Variants in TSHZ2 observed in about 807,000 individuals in gnomAD.
The protein encoded by TSHZ2 is teashirt homolog 2.
Under a neutral mutation model 74.4 loss-of-function variants are expected in TSHZ2, and 21 were observed. The observed-to-expected ratio is 0.28, with a 90% confidence interval of 0.20 to 0.41. TSHZ2 has a LOEUF of 0.41. TSHZ2 is among the 10% of genes least tolerant of loss of function. The probability of loss-of-function intolerance (pLI) is 1.00; values close to 1 mark genes in which losing one functional copy is unlikely to be tolerated. For synonymous variants in TSHZ2, 540 were observed against 515.3 expected, an observed-to-expected ratio of 1.05 and a Z score of -0.65; for missense variants, 1,244 against 1,293.5, an observed-to-expected ratio of 0.96 and a Z score of 0.59.
intron 2 of TSHZ2, among the ~76,000 whole-genome samples, chr20:53,268,297 G>A (rs1013163129): frequency 3.3e-5 from 5 of 152,084 alleles, no homozygotes; most frequent in African/African-American, 1.2e-4. Context: ...TTCGTGTCAC[G>A]TCAACAAAGA....
In TSHZ2 at chr20:53,096,438, C is replaced by T. The variant is rs372556736; in HGVS notation, c.40+123105C>T. Among the ~76,000 whole-genome samples the T allele has an allele frequency of 2.6e-5, 4 of 152,228 alleles. No individual in the cohort carries two copies. The South Asian group carries it at 6.2e-4, about 24-fold the overall frequency. ...GATTACAGGCGCGAGCCACCATGCC[C>T]GGCCTGTATTGTTTTTTAGTACAGG... On this transcript the variant is annotated intron_variant, in intron 1 of 2. Transcript: ENST00000371497.
Position 53,256,097 on chromosome 20 carries a change from A to G in TSHZ2, c.2639A>G (p.Gln880Arg), listed in dbSNP as rs1990474230. The G allele has an allele frequency of 6.2e-7, 1 of 1,614,136 alleles. No homozygotes were observed. The highest frequency in any genetic ancestry group is 2.2e-5 in the East Asian group (1 of 44,880). ...GKYLLSDLGP[Q>R]ERMQISKFTG... Reference sequence around the variant, plus strand: ...TACCTGCTGTCTGATCTGGGCCCACAAGAGCGTATGCAAATCTCTAAGTTT... The same window carrying G: ...TACCTGCTGTCTGATCTGGGCCCACGAGAGCGTATGCAAATCTCTAAGTTT... Residue 880 changes from glutamine (Q) to arginine (R), a missense_variant, in exon 2 of 3, where the codon CAA becomes CGA. Coordinates refer to ENST00000371497, the MANE Select transcript of TSHZ2 (RefSeq NM_173485.6). The surrounding 1 kb of genome is among the most constrained non-coding windows in gnomAD (Gnocchi z 4.3).
In TSHZ2 at chr20:53,091,895, A is replaced by C. The variant is rs184266584; in HGVS notation, c.40+118562A>C. Among the ~76,000 whole-genome samples, 448 of 152,172 alleles carry C rather than the reference A, an allele frequency of 2.9e-3. 3 individuals carry two copies. Among genetic ancestry groups the C allele is most frequent in the Middle Eastern group, 6.8e-3 (2 of 294 alleles). On this transcript the variant is annotated intron_variant, in intron 1 of 2. Transcript: ENST00000371497. ...CCTGTCTCTACTAAAAATAAAAATA[A>C]ATTAGCTAGACATGGTGGTACCCGC...
intron 2 of TSHZ2, among the ~76,000 whole-genome samples, chr20:53,420,405 T>G (rs1983425797): frequency 6.6e-6 from 1 of 152,046 alleles, no homozygotes. Flanking sequence ...CAAATTTCAT[T>G]CCTGGAACAC....
chr20:53,380,520 G>A (rs570233735), intron 2 of TSHZ2, among the ~76,000 whole-genome samples: 5 of 152,292 alleles, frequency 3.3e-5, no homozygotes, highest in Admixed American at 3.3e-4. Flanking sequence ...GTGAAACACT[G>A]TTCTATAGCA....
chr20:53,257,431 C>T (rs950949285), intron 2 of TSHZ2, among the ~76,000 whole-genome samples: 7 of 152,166 alleles, frequency 4.6e-5, no homozygotes, highest in Admixed American at 4.6e-4. Context: ...TAATGTGCAT[C>T]ATGTGTCATA....
chr20:53,121,387 C>T (rs1477297108), intron 1 of TSHZ2, among the ~76,000 whole-genome samples: 2 of 151,828 alleles, frequency 1.3e-5, no homozygotes, highest in African/African-American at 2.4e-5. Context: ...TATATATAGC[C>T]TTCATTGTCT....
At chr20:53,205,764 C>T (rs1247302744) in intron 1 of TSHZ2, among the ~76,000 whole-genome samples, 1 of 152,130 alleles carries the variant, frequency 6.6e-6, no homozygotes, top group Non-Finnish European at 1.5e-5. Context: ...TCATCTGCTT[C>T]TAAAAAATAT....
chr20:53,282,918 A>T (rs1007671871), intron 2 of TSHZ2, among the ~76,000 whole-genome samples: 1 of 152,200 alleles, frequency 6.6e-6, no homozygotes, highest in Non-Finnish European at 1.5e-5. Flanking sequence ...CAGTCCTCTT[A>T]TCCTGTTCCC....
intron 2 of TSHZ2, among the ~76,000 whole-genome samples, chr20:53,438,833 G>A (rs1353908237): frequency 2.6e-5 from 4 of 152,180 alleles, no homozygotes; most frequent in African/African-American, 9.7e-5. Flanking sequence ...GGTGGCACAC[G>A]CCTGTAATCC....
intron 2 of TSHZ2, among the ~76,000 whole-genome samples, chr20:53,357,566 AAAT>A (rs1353234219): frequency 6.6e-6 from 1 of 152,200 alleles, no homozygotes; most frequent in Non-Finnish European, 1.5e-5. Flanking sequence ...TAGTAAAGGC[AAAT>A]AATAAAAAAT....
intron 2 of TSHZ2, among the ~76,000 whole-genome samples, chr20:53,310,143 G>C (rs1978718177): frequency 6.6e-6 from 1 of 152,206 alleles, no homozygotes; most frequent in Non-Finnish European, 1.5e-5. Context: ...CCTGACTAAA[G>C]ACTAAATTGC....
At chr20:53,162,460 C>G (rs553397483) in intron 1 of TSHZ2, among the ~76,000 whole-genome samples, 42 of 152,320 alleles carry the variant, frequency 2.8e-4, no homozygotes, top group African/African-American at 8.7e-4. Flanking sequence ...TTCCTGGTAA[C>G]TCGACTTCAG....
Position 53,489,369 on chromosome 20 carries a change from G to A in TSHZ2, c.*2234G>A, listed in dbSNP as rs556400498. Reference sequence around the variant, plus strand: ...ATTGAAGGGTGGACTGGACTCTACTGAGCACCGTCCTTCAACAAGGAAATT... The same window carrying A: ...ATTGAAGGGTGGACTGGACTCTACTAAGCACCGTCCTTCAACAAGGAAATT... On this transcript the variant is annotated 3_prime_UTR_variant, in exon 3 of 3. Coordinates refer to ENST00000371497, the MANE Select transcript of TSHZ2 (RefSeq NM_173485.6). The A allele has an allele frequency of 2.8e-6, 1 of 351,078 alleles. No homozygotes were observed. The highest frequency in any genetic ancestry group is 5.6e-6 in the Non-Finnish European group (1 of 178,390). The allele number at this position is 351,078 out of a possible 1,614,324, so 21.7% of individuals were successfully genotyped here. A position where few individuals can be genotyped will look rare whatever the true frequency, so the allele number is the denominator to read the frequency against.
chr20:53,463,673 G>A (rs184103765), intron 2 of TSHZ2, among the ~76,000 whole-genome samples: 17 of 152,210 alleles, frequency 1.1e-4, no homozygotes, highest in African/African-American at 2.9e-4. Context: ...TAAAAACCCC[G>A]GGCCCAAGTC....
rs1986488649 is a variant in TSHZ2, at chr20:53,493,053, A to G, written c.*5918A>G. 2 of 152,222 alleles carry G rather than the reference A, an allele frequency of 1.3e-5. No individual in the cohort carries two copies. Among genetic ancestry groups the G allele is most frequent in the Non-Finnish European group, 1.5e-5 (1 of 68,038 alleles). 9.4% of individuals were successfully genotyped at this position (152,222 alleles called of 1,614,324 possible). ...AAACCAGGCTGTTTTCCCTGAGTACAATGCAGCTTGGATGGCTGGGAGCGT... is the reference window on the plus strand; with the variant it reads ...AAACCAGGCTGTTTTCCCTGAGTACGATGCAGCTTGGATGGCTGGGAGCGT... On this transcript the variant is annotated 3_prime_UTR_variant, in exon 3 of 3. Transcript: ENST00000371497.
intron 1 of TSHZ2, among the ~76,000 whole-genome samples, chr20:52,996,458 A>G (rs937523504): frequency 3.3e-5 from 5 of 152,062 alleles, no homozygotes; most frequent in African/African-American, 1.2e-4. Flanking sequence ...AACAGGAGGA[A>G]AAAAATGACT....
At chr20:53,127,522 G>C (rs925080791) in intron 1 of TSHZ2, among the ~76,000 whole-genome samples, 1 of 152,144 alleles carries the variant, frequency 6.6e-6, no homozygotes, top group Non-Finnish European at 1.5e-5. Context: ...CCTAGGCAAC[G>C]TATTGAGACC....
chr20:53,083,965 AT>A (rs1427792417), intron 1 of TSHZ2, among the ~76,000 whole-genome samples: 2 of 151,894 alleles, frequency 1.3e-5, no homozygotes, highest in African/African-American at 4.8e-5. Flanking sequence ...AGCCTTCTTT[AT>A]TATTGTTTAA....
Sources: allele counts gnomAD v4.1 joint callset (sites outside exome capture counted in the v4.1 genomes callset), GRCh38; gene constraint gnomAD v4.1.1; non-coding constraint Gnocchi (gnomAD v3.1); transcripts MANE v1.5; gene names NCBI Gene and HGNC (gene_info 2026-07-23, HGNC 2026-07-21).